PI4KA: variants seen among roughly 807,000 people sequenced by gnomAD.
PI4KA encodes the protein PI4-kinase alpha.
Under a neutral mutation model 271.4 loss-of-function variants are expected in PI4KA, and 122 were observed. The ratio of observed to expected loss-of-function variants is 0.45; its 90% confidence interval spans 0.39 to 0.52. PI4KA has a LOEUF of 0.52. Ranked by LOEUF, PI4KA falls within the 20% of genes least tolerant of loss-of-function variation. The pLI, the probability that PI4KA is intolerant of heterozygous loss-of-function variation, is 0.00. For synonymous variants in PI4KA, 1,041 were observed against 1,078.8 expected (o/e 0.96, Z 0.69); for missense variants, 1,969 against 2,769.1 (o/e 0.71, Z 6.48).
chr22:20,793,891 C>T (rs764499049), intron 18 of PI4KA, among the ~76,000 whole-genome samples: 5 of 152,214 alleles, frequency 3.3e-5, no homozygotes, highest in Admixed American at 1.3e-4. Context: ...TGGCCTAAGC[C>T]GACTTGATTT....
rs1316490537 is a variant in PI4KA, at chr22:20,824,772, AC to A, written c.368-359del. ...CACACACACACACACACACACACAC[AC>A]ACACACAAAACACTCGGCTGGGCGA... On this transcript the variant is annotated intron_variant, in intron 3 of 54. Coordinates refer to ENST00000255882, the MANE Select transcript of PI4KA (RefSeq NM_058004.4). Among the ~76,000 whole-genome samples the A allele has an allele frequency of 1.5e-3, 224 of 148,590 alleles. 1 individual carries two copies. The highest frequency in any genetic ancestry group is 2.5e-3 in the Non-Finnish European group (167 of 66,534).
At chr22:20,718,654 G>A (rs4990068) in intron 44 of PI4KA, 39 bp downstream of exon 44, 1 of 1,500,664 alleles carries the variant, frequency 6.7e-7, no homozygotes, top group Admixed American at 1.7e-5. Context: ...GGGACTGGAA[G>A]GAGATCCCAG....
At chr22:20,711,534 A>G (rs1925275437) in intron 50 of PI4KA, 73 bp from the exon 51 acceptor site, 1 of 1,100,478 alleles carries the variant, frequency 9.1e-7, no homozygotes, top group Non-Finnish European at 1.3e-6. Context: ...CACACCCAGG[A>G]TCCCTGGGCC....
intron 43 of PI4KA, 105 bp from the exon 44 acceptor site, chr22:20,718,927 G>T: frequency 1.7e-6 from 2 of 1,207,542 alleles, no homozygotes; most frequent in Non-Finnish European, 2.4e-6. Flanking sequence ...CCCAGAGTAT[G>T]CTCTGCAGGC....
At chr22:20,808,926 T>C (rs1017679268) in intron 9 of PI4KA, among the ~76,000 whole-genome samples, 4 of 152,044 alleles carry the variant, frequency 2.6e-5, no homozygotes, top group Non-Finnish European at 5.9e-5. Flanking sequence ...CAGAGTGGGA[T>C]AGGGCATGCA....
At chr22:20,759,166 C>A (rs1035534720) in intron 23 of PI4KA, among the ~76,000 whole-genome samples, 1 of 152,082 alleles carries the variant, frequency 6.6e-6, no homozygotes, top group Non-Finnish European at 1.5e-5. Context: ...CCTGCCTCAG[C>A]CCCCAGACTA....
chr22:20,806,671 G>GA (rs1274955723), intron 10 of PI4KA, among the ~76,000 whole-genome samples: 15 of 149,228 alleles, frequency 1.0e-4, no homozygotes, highest in East Asian at 7.9e-4. Context: ...GACTCTGTCT[G>GA]AAAAAAAAAG....
chr22:20,720,185 A>G (rs1926563935), intron 43 of PI4KA, among the ~76,000 whole-genome samples: 1 of 152,192 alleles, frequency 6.6e-6, no homozygotes, highest in South Asian at 2.1e-4. Context: ...TGATGTTATA[A>G]AAGCTTTTGT....
chr22:20,836,283 C>A (rs1324197887), intron 2 of PI4KA, among the ~76,000 whole-genome samples: 1 of 152,056 alleles, frequency 6.6e-6, no homozygotes, highest in Non-Finnish European at 1.5e-5. Flanking sequence ...TGCAGATTCA[C>A]GAATCAAACA....
At chr22:20,760,090 C>G (rs563544324) in intron 23 of PI4KA, among the ~76,000 whole-genome samples, 1 of 152,284 alleles carries the variant, frequency 6.6e-6, no homozygotes, top group Non-Finnish European at 1.5e-5. Flanking sequence ...ACCAACCTAT[C>G]AAAGGCTTCT....
intron 9 of PI4KA, among the ~76,000 whole-genome samples, chr22:20,810,496 G>C (rs930271289): frequency 2.0e-5 from 3 of 150,208 alleles, no homozygotes; most frequent in Non-Finnish European, 4.4e-5. Flanking sequence ...GCGACAGAGC[G>C]AGACTCCATC....
At chr22:20,835,199 T>C (rs1175726284) in intron 2 of PI4KA, among the ~76,000 whole-genome samples, 1 of 152,150 alleles carries the variant, frequency 6.6e-6, no homozygotes, top group African/African-American at 2.4e-5. Flanking sequence ...TCAGACTTTA[T>C]AGCCAACTTT....
intron 1 of PI4KA, among the ~76,000 whole-genome samples, chr22:20,854,038 C>T (rs900575301): frequency 2.0e-5 from 3 of 151,610 alleles, no homozygotes; most frequent in Admixed American, 2.0e-4. Flanking sequence ...TTCACCTGAG[C>T]AATCAAATTA....
chr22:20,770,587 C>T (rs964786759), intron 19 of PI4KA, among the ~76,000 whole-genome samples: 47 of 71,244 alleles, frequency 6.6e-4, no homozygotes, highest in African/African-American at 3.0e-3. Context: ...CGGACACACA[C>T]ACACACACAC....
chr22:20,750,095 G>T, intron 27 of PI4KA, 101 bp from the exon 28 acceptor site: 1 of 757,234 alleles, frequency 1.3e-6, no homozygotes, highest in Non-Finnish European at 2.4e-6. Context: ...AAATCCCTAT[G>T]CTGCGCCTTA....
intron 45 of PI4KA, among the ~76,000 whole-genome samples, chr22:20,715,752 G>A (rs1369958374): frequency 6.6e-6 from 1 of 152,222 alleles, no homozygotes; most frequent in African/African-American, 2.4e-5. Flanking sequence ...TGGGATTAAG[G>A]CATGAGCCAC....
At chr22:20,784,357 A>C (rs1247964544) in intron 19 of PI4KA, 22 of 1,432,498 alleles carry the variant, frequency 1.5e-5, no homozygotes, top group Non-Finnish European at 1.9e-5. Context: ...CAAGTACCCA[A>C]GAACTTCCAT....
At chr22:20,745,775 C>A (rs1929983161) in intron 29 of PI4KA, among the ~76,000 whole-genome samples, 1 of 152,074 alleles carries the variant, frequency 6.6e-6, no homozygotes, top group South Asian at 2.1e-4. Context: ...GTGGGCATAA[C>A]CCTCTCACAA....
chr22:20,846,379 T>C (rs911390904), intron 1 of PI4KA, among the ~76,000 whole-genome samples: 2 of 150,996 alleles, frequency 1.3e-5, no homozygotes, highest in Admixed American at 1.3e-4. Context: ...ATATGAACTT[T>C]ATCTCAATTA....
Sources: gnomAD v4.1 joint callset for allele counts (sites outside exome capture counted in the v4.1 genomes callset) on GRCh38, gnomAD v4.1.1 for gene constraint, MANE v1.5 for transcripts, NCBI Gene and HGNC (gene_info 2026-07-23, HGNC 2026-07-21) for gene names.